UBE2W: variants seen among roughly 807,000 people sequenced by gnomAD.
UBE2W encodes ubiquitin conjugating enzyme E2 W.
In UBE2W, 18 loss-of-function variants were observed where a neutral mutation model predicts 27.2. The observed-to-expected ratio is 0.66, with a 90% CI of 0.46 to 0.98. The LOEUF is 0.98. UBE2W is among the 50% of genes least tolerant of loss of function. UBE2W has a pLI of 0.00. For missense variants in UBE2W, 90 were observed against 180.2 expected (o/e 0.50, Z 2.87); for synonymous variants, 53 against 57.2 (o/e 0.93, Z 0.33).
intron 1 of UBE2W, among the ~76,000 whole-genome samples, chr8:73,868,546 A>G (rs760187878): frequency 2.0e-5 from 3 of 152,194 alleles, no homozygotes; most frequent in Non-Finnish European, 4.4e-5. Context: ...TCCAATTTGT[A>G]GCCAAGTCGG....
At chr8:73,832,327 C>T (rs565482511) in intron 1 of UBE2W, among the ~76,000 whole-genome samples, 41 of 151,962 alleles carry the variant, frequency 2.7e-4, no homozygotes, top group African/African-American at 9.2e-4. Flanking sequence ...TTAGAAAAAT[C>T]ATAACAAAAA....
chr8:73,796,249 T>C (rs1262942919), intron 5 of UBE2W, among the ~76,000 whole-genome samples: 1 of 152,052 alleles, frequency 6.6e-6, no homozygotes, highest in African/African-American at 2.4e-5. Context: ...AAACTAATCA[T>C]ACTCAAATCT....
intron 3 of UBE2W, among the ~76,000 whole-genome samples, chr8:73,810,858 A>G (rs1809124360): frequency 6.6e-6 from 1 of 152,126 alleles, no homozygotes; most frequent in Non-Finnish European, 1.5e-5. Context: ...ATTATTTTTT[A>G]TTTCGGTTAT....
At chr8:73,846,711 C>T (rs79495491) in intron 1 of UBE2W, among the ~76,000 whole-genome samples, 228 of 152,158 alleles carry the variant, frequency 1.5e-3, no homozygotes, top group African/African-American at 5.3e-3. Context: ...TAAAACAAGA[C>T]AGAACGAAAT....
At chr8:73,875,235 G>C (rs911117371) in intron 1 of UBE2W, among the ~76,000 whole-genome samples, 2 of 152,164 alleles carry the variant, frequency 1.3e-5, no homozygotes, top group Non-Finnish European at 2.9e-5. Flanking sequence ...TTAGGGAGTA[G>C]AGCGTCCCCA....
At chr8:73,806,465 C>T (rs569184719) in intron 4 of UBE2W, among the ~76,000 whole-genome samples, 55 of 149,830 alleles carry the variant, frequency 3.7e-4, no homozygotes, top group Admixed American at 3.0e-3. Context: ...TTTGGGAGGC[C>T]GAGGCGGGTG....
intron 1 of UBE2W, among the ~76,000 whole-genome samples, chr8:73,842,701 G>T (rs1586508476): frequency 6.6e-6 from 1 of 152,044 alleles, no homozygotes; most frequent in East Asian, 1.9e-4. Context: ...TGCACACAAA[G>T]GACCAAAAAC....
intron 1 of UBE2W, among the ~76,000 whole-genome samples, chr8:73,847,344 A>T (rs1157272419): frequency 6.6e-6 from 1 of 152,240 alleles, no homozygotes; most frequent in Non-Finnish European, 1.5e-5. Flanking sequence ...AACTGGTAAG[A>T]CCAGCTTGGT....
chr8:73,825,859 C>T (rs2130900500), intron 2 of UBE2W, among the ~76,000 whole-genome samples: 1 of 152,254 alleles, frequency 6.6e-6, no homozygotes. Flanking sequence ...CTGTGCTCCT[C>T]CTAATTGATT....
downstream of UBE2W, among the ~76,000 whole-genome samples, chr8:73,782,854 TC>T (rs1343413519): frequency 6.6e-6 from 1 of 152,230 alleles, no homozygotes; most frequent in Non-Finnish European, 1.5e-5. Flanking sequence ...CAAATTATTT[TC>T]CAAAGTGGTT....
downstream of UBE2W, among the ~76,000 whole-genome samples, chr8:73,785,401 C>T (rs749713063): frequency 5.3e-5 from 8 of 151,978 alleles, no homozygotes; most frequent in Non-Finnish European, 7.4e-5. Flanking sequence ...CCTTGGCCTC[C>T]CAAAGTGCTG....
intron 5 of UBE2W, chr8:73,796,764 T>A: frequency 9.2e-6 from 5 of 541,388 alleles, no homozygotes; most frequent in Non-Finnish European, 1.2e-5. Flanking sequence ...TCGCCATCCT[T>A]TTTCTAAATA....
downstream of UBE2W, among the ~76,000 whole-genome samples, chr8:73,782,060 C>T (rs769611706): frequency 1.3e-4 from 20 of 151,402 alleles, no homozygotes; most frequent in Non-Finnish European, 2.5e-4. Flanking sequence ...TCTGCCTCAG[C>T]CTCCTGAGTA....
chr8:73,801,988 T>G (rs1416387749), intron 5 of UBE2W, among the ~76,000 whole-genome samples: 1 of 152,196 alleles, frequency 6.6e-6, no homozygotes, highest in Admixed American at 6.5e-5. Context: ...TAGAATTAAT[T>G]TGAGGCAAAT....
intron 1 of UBE2W, among the ~76,000 whole-genome samples, chr8:73,839,775 C>A (rs901395959): frequency 1.4e-5 from 2 of 139,338 alleles, no homozygotes; most frequent in African/African-American, 5.5e-5. Flanking sequence ...GCCACCCAGG[C>A]TGGATGGAGT....
chr8:73,794,761 G>A (rs1808340984), intron 5 of UBE2W, among the ~76,000 whole-genome samples: 1 of 151,088 alleles, frequency 6.6e-6, no homozygotes, highest in African/African-American at 2.4e-5. Flanking sequence ...AAATTAGCTG[G>A]GCGTCGTGGC....
At chr8:73,821,004 A>G (rs1809590477) in intron 3 of UBE2W, among the ~76,000 whole-genome samples, 1 of 152,210 alleles carries the variant, frequency 6.6e-6, no homozygotes, top group South Asian at 2.1e-4. Context: ...TTTCAAAAAG[A>G]GTGAGAATAA....
intron 1 of UBE2W, among the ~76,000 whole-genome samples, chr8:73,844,285 T>C (rs1048930227): frequency 7.3e-5 from 11 of 150,286 alleles, no homozygotes; most frequent in South Asian, 2.1e-4. Flanking sequence ...GTGCCTGGGA[T>C]TGCAGGCGCG....
In UBE2W at chr8:73,873,513, C is replaced by T. The variant is rs1279495222; in HGVS notation, c.15+5295G>A. On this transcript the variant is annotated intron_variant, in intron 1 of 5. Coordinates refer to ENST00000602593, the MANE Select transcript of UBE2W (RefSeq NM_018299.6). Reference sequence around the variant, plus strand: ...TCTCTACAAAAAATAAAAAAATTAGCCAGGCATGGTGGCGTGTCTATAGTC... The same window carrying T: ...TCTCTACAAAAAATAAAAAAATTAGTCAGGCATGGTGGCGTGTCTATAGTC... Among the ~76,000 whole-genome samples the T allele has an allele frequency of 4.6e-5, 7 of 152,144 alleles. No individual in the cohort carries two copies. In the East Asian group the frequency reaches 1.4e-3, roughly 29 times the overall value.
Sources: allele counts gnomAD v4.1 joint callset (sites outside exome capture counted in the v4.1 genomes callset), GRCh38; gene constraint gnomAD v4.1.1; transcripts MANE v1.5; gene names NCBI Gene and HGNC (gene_info 2026-07-23, HGNC 2026-07-21).